The following MOV10L1 variants were observed in gnomAD, a reference collection of about 807,000 sequenced individuals.
MOV10L1 encodes the protein Mov10 like RNA helicase 1.
MOV10L1 carries 110 observed loss-of-function variants against 143.8 expected under a neutral mutation model. The ratio of observed to expected loss-of-function variants is 0.76; its 90% CI spans 0.66 to 0.90. MOV10L1 has a LOEUF of 0.90. Ranked by LOEUF, MOV10L1 falls within the 40% of genes least tolerant of loss-of-function variation. The probability of loss-of-function intolerance (pLI) is 0.00; values close to 1 mark genes in which losing one functional copy is unlikely to be tolerated. For missense variants in MOV10L1, 1,406 were observed against 1,526.8 expected, an observed-to-expected ratio of 0.92 and a Z score of 1.32; for synonymous variants, 593 against 581.1, an observed-to-expected ratio of 1.02 and a Z score of -0.29.
rs770204444 is a variant in MOV10L1, at chr22:50,108,127, C to A, written c.443-9C>A. 6.2e-7 allele frequency: 1 copy of A among 1,610,838 alleles called. No individual in the cohort carries two copies. The highest frequency in any genetic ancestry group is 8.5e-7 in the Non-Finnish European group (1 of 1,177,734). ...AACACTACCATGGCTTTTTTCCTGG[C>A]GGTTTTAGGCTTCGAGCCCTGCAAG... On this transcript the variant is annotated splice_polypyrimidine_tract_variant and intron_variant, in intron 3 of 26. Coordinates refer to ENST00000262794, the MANE Select transcript of MOV10L1 (RefSeq NM_018995.3).
In MOV10L1 at chr22:50,142,160, C is replaced by T. The variant is rs200748695; in HGVS notation, c.2150C>T (p.Ala717Val). Reference sequence around the variant, plus strand: ...GGTGACAAGGACCTGCCGGTGCTGGCACCCTTTACTGCAGAGATGAGCGAT... The same window carrying T: ...GGTGACAAGGACCTGCCGGTGCTGGTACCCTTTACTGCAGAGATGAGCGAT... ...RVGDKDLPVL[A>V]PFTAEMSDWV... Residue 717 changes from alanine (A) to valine (V), a missense_variant, in exon 16 of 27, where the codon GCA becomes GTA. This residue lies in a region of MOV10L1 where 1,233 missense variants were observed against 1,351.4 expected (regional missense o/e 0.91). Transcript: ENST00000262794. 107 of 1,613,202 alleles carry T rather than the reference C, an allele frequency of 6.6e-5. No homozygotes were observed. Among genetic ancestry groups the T allele is most frequent in the Non-Finnish European group, 8.7e-5 (103 of 1,179,640 alleles).
chr22:50,142,957 G>GCTGA (rs2063033563), intron 16 of MOV10L1, 86 bp from the exon 17 acceptor site: 1 of 1,309,998 alleles, frequency 7.6e-7, no homozygotes, highest in African/African-American at 1.5e-5. Context: ...GCACAGACGT[G>GCTGA]CTGACGCCTG....
At position 50,090,494 on chromosome 22, in the gene MOV10L1, C is replaced by T. The variant is rs772445427; in HGVS notation, c.97+309C>T. On this transcript the variant is annotated intron_variant, in intron 1 of 26. Coordinates refer to ENST00000262794, the MANE Select transcript of MOV10L1 (RefSeq NM_018995.3). ...TCTCTCCATGTCGTTCCTCCCTGTC[C>T]GCAGCGTCATTGGCGGTGGTGTGTC... The T allele has an allele frequency of 7.5e-6, 12 of 1,610,120 alleles. No individual in the cohort carries two copies. The South Asian group carries it at 8.9e-5, about 12-fold the overall frequency.
At chr22:50,126,103 A>G in intron 11 of MOV10L1, 99 bp from the exon 12 acceptor site, 1 of 787,160 alleles carries the variant, frequency 1.3e-6, no homozygotes. Context: ...GACCCCAGTA[A>G]CGTTTTATTG....
At position 50,114,694 on chromosome 22, in the gene MOV10L1, A is replaced by G. The variant is rs1010357636; in HGVS notation, c.1126+72A>G. 54 of 1,578,522 alleles carry G rather than the reference A, an allele frequency of 3.4e-5. No individual in the cohort carries two copies. In the African/African-American group the frequency reaches 3.9e-4, roughly 11 times the overall value. The stretch of plus-strand genomic sequence containing the variant: ...GGCCGTGGGGTTGTGAGTTCTGGAC[A>G]GAGGGCGGGCAGCAGGGGCCAGGAC... On this transcript the variant is annotated intron_variant, in intron 7 of 26. Transcript: ENST00000262794.
chr22:50,153,025 C>G lies in MOV10L1; in HGVS notation c.2893-20C>G. 6.3e-7 allele frequency: 1 copy of G among 1,582,146 alleles called. No homozygotes were observed. Among genetic ancestry groups the G allele is most frequent in the East Asian group, 2.3e-5 (1 of 44,296 alleles). The stretch of plus-strand genomic sequence containing the variant: ...CCGGGTACCACCTTCCCCTTGTGAC[C>G]CATCACCATCTCCTCGCAGGTCACA... On this transcript the variant is annotated intron_variant, in intron 21 of 26. Coordinates refer to ENST00000262794, the MANE Select transcript of MOV10L1 (RefSeq NM_018995.3).
intron 18 of MOV10L1, 59 bp downstream of exon 18, chr22:50,144,302 T>C: frequency 1.3e-6 from 2 of 1,538,228 alleles, no homozygotes; most frequent in Non-Finnish European, 1.8e-6. Flanking sequence ...ACATAGGAAA[T>C]GCCAAGTGGA....
In MOV10L1 at chr22:50,161,506, C is replaced by G. The variant is rs554104577; in HGVS notation, c.*57C>G. ...GCTCAGCCTGGCCACGTTGCCGTTA[C>G]AGTCTGCTCCGTGGCTCCTGTGGCC... On this transcript the variant is annotated 3_prime_UTR_variant, in exon 27 of 27. Coordinates refer to ENST00000262794, the MANE Select transcript of MOV10L1 (RefSeq NM_018995.3). 2 of 1,500,316 alleles carry G rather than the reference C, an allele frequency of 1.3e-6. No individual in the cohort carries two copies. The highest frequency in any genetic ancestry group is 2.5e-5 in the East Asian group (1 of 40,662). 92.9% of individuals were successfully genotyped at this position (1,500,316 alleles called of 1,614,324 possible).
At chr22:50,115,331 G>C (rs1316874524) in intron 8 of MOV10L1, 85 bp downstream of exon 8, 1 of 1,376,524 alleles carries the variant, frequency 7.3e-7, no homozygotes, top group Non-Finnish European at 9.4e-7. Flanking sequence ...GTACTCCTTT[G>C]TGGCGGGTGG....
chr22:50,119,722 G>A (rs895459108), intron 9 of MOV10L1, among the ~76,000 whole-genome samples: 5 of 150,410 alleles, frequency 3.3e-5, no homozygotes, highest in African/African-American at 9.8e-5. Flanking sequence ...TCTTCACCCC[G>A]TTTCTCCTGT....
chr22:50,135,267 C>T (rs940949569), intron 15 of MOV10L1, among the ~76,000 whole-genome samples: 1 of 151,874 alleles, frequency 6.6e-6, no homozygotes, highest in African/African-American at 2.4e-5. Flanking sequence ...CCTCCTCGGC[C>T]TCCCAAAGTG....
chr22:50,116,029 G>A (rs2062164356), intron 8 of MOV10L1, among the ~76,000 whole-genome samples: 2 of 152,186 alleles, frequency 1.3e-5, no homozygotes, highest in Admixed American at 6.5e-5. Flanking sequence ...CTGTGTCCCT[G>A]CATCCCTGCC....
intron 4 of MOV10L1, 111 bp downstream of exon 4, chr22:50,108,359 G>C (rs138215): frequency 0.29 from 303,713 of 1,047,386 alleles, 48,511 homozygotes; most frequent in Non-Finnish European, 0.34. Context: ...GAAAAATAAA[G>C]CTTTGTCATG....
chr22:50,134,964 A>G (rs1269723031), intron 15 of MOV10L1, among the ~76,000 whole-genome samples: 1 of 152,176 alleles, frequency 6.6e-6, no homozygotes, highest in Non-Finnish European at 1.5e-5. Context: ...GAAGCAAAGT[A>G]CAGATGTTTA....
intron 22 of MOV10L1, among the ~76,000 whole-genome samples, chr22:50,153,672 C>T (rs572550825): frequency 6.6e-6 from 1 of 152,224 alleles, no homozygotes; most frequent in African/African-American, 2.4e-5. Context: ...CCGAGCCGTG[C>T]GCCTGGGGCC....
Position 50,128,449 on chromosome 22 carries a change from C to A in MOV10L1, c.1852C>A (p.Pro618Thr). 1 of 1,557,504 alleles carries A rather than the reference C, an allele frequency of 6.4e-7. No homozygotes were observed. The highest frequency in any genetic ancestry group is 8.8e-7 in the Non-Finnish European group (1 of 1,133,028). Residue 618 changes from proline (P) to threonine (T), a missense_variant, in exon 13 of 27, where the codon CCA becomes ACA. Pro to Thr is a conservative substitution (Grantham distance 38). This residue lies in a region of MOV10L1 where 1,233 missense variants were observed against 1,351.4 expected (regional missense o/e 0.91). Transcript: ENST00000262794. ...AGAAGATGTAACTCTTAAAATTAAT[C>A]CAGAATTTGAACAAGCCTATAACTT... ...HEEDVTLKIN[P>T]EFEQAYNFEP...
chr22:50,110,668 C>T lies in MOV10L1; in HGVS notation c.743+1824C>T, dbSNP rs368249821. ...ATTTCTGGCTGGCCACAGTGGCTCA[C>T]GCCTGTAATCCTAGGACTTTGGGAG... On this transcript the variant is annotated intron_variant, in intron 5 of 26. Coordinates refer to ENST00000262794, the MANE Select transcript of MOV10L1 (RefSeq NM_018995.3). Among the ~76,000 whole-genome samples, 15 of 152,266 alleles carry T rather than the reference C, an allele frequency of 9.9e-5. No homozygotes were observed. The East Asian group carries it at 2.1e-3, about 22-fold the overall frequency.
intron 13 of MOV10L1, among the ~76,000 whole-genome samples, chr22:50,133,209 A>C (rs969658464): frequency 1.3e-5 from 2 of 152,126 alleles, no homozygotes; most frequent in African/African-American, 4.8e-5. Context: ...GTCAGTCCTG[A>C]GCGAGTTAGT....
chr22:50,116,691 G>C (rs1256411111), intron 8 of MOV10L1, among the ~76,000 whole-genome samples: 1 of 130,996 alleles, frequency 7.6e-6, no homozygotes, highest in African/African-American at 2.7e-5. Context: ...TTTGAGACAG[G>C]GTCTCACTCT....
Sources: gnomAD v4.1 joint callset for allele counts (sites outside exome capture counted in the v4.1 genomes callset) on GRCh38, gnomAD v4.1.1 for gene constraint, gnomAD v4.1.1 regional missense constraint, MANE v1.5 for transcripts, NCBI Gene and HGNC (gene_info 2026-07-23, HGNC 2026-07-21) for gene names.